The following INPP4B variants were observed in gnomAD, a reference collection of about 807,000 sequenced individuals.
INPP4B encodes inositol polyphosphate 4-phosphatase type II.
INPP4B carries 55 observed loss-of-function variants against 122.5 expected under a neutral mutation model. That is an observed-to-expected ratio of 0.45 (90% CI 0.36 to 0.56). The LOEUF (loss-of-function observed/expected upper bound fraction) is 0.56, where lower values mean the gene tolerates loss of function less well. INPP4B is among the 20% of genes least tolerant of loss of function. INPP4B has a pLI of 0.00. For missense variants in INPP4B, 1,000 were observed against 1,097.7 expected (o/e 0.91, Z 1.26); for synonymous variants, 403 against 388.7 (o/e 1.04, Z -0.43).
chr4:142,369,576 C>CG (rs1788958769), intron 7 of INPP4B, among the ~76,000 whole-genome samples: 1 of 130,660 alleles, frequency 7.7e-6, no homozygotes, highest in Non-Finnish European at 1.6e-5. Context: ...GACCCTGTCT[C>CG]GAAAATTAAA....
intron 16 of INPP4B, among the ~76,000 whole-genome samples, chr4:142,169,974 C>T (rs1390992): frequency 0.1 from 15,235 of 151,626 alleles, 1,129 homozygotes; most frequent in African/African-American, 0.2. Context: ...ATGAGAGATA[C>T]GTGAACACTG....
intron 1 of INPP4B, among the ~76,000 whole-genome samples, chr4:142,829,568 C>A (rs957284436): frequency 6.6e-6 from 1 of 151,446 alleles, no homozygotes; most frequent in Non-Finnish European, 1.5e-5. Context: ...AGCCTTTATC[C>A]TAACCAGAAA....
At chr4:142,404,921 AAAAT>A (rs144020717) in intron 6 of INPP4B, among the ~76,000 whole-genome samples, 5,226 of 151,996 alleles carry the variant, frequency 0.034, 329 homozygotes, top group African/African-American at 0.12. Context: ...CTTTGGGAGA[AAAAT>A]AAACTCTTTG....
At chr4:142,453,104 A>T (rs963249000) in intron 3 of INPP4B, among the ~76,000 whole-genome samples, 1 of 152,172 alleles carries the variant, frequency 6.6e-6, no homozygotes, top group Non-Finnish European at 1.5e-5. Flanking sequence ...GACTTCTAGC[A>T]TCCTATCTCA....
At chr4:142,123,186 G>C (rs2152752914) in intron 20 of INPP4B, 106 bp downstream of exon 20, 1 of 901,256 alleles carries the variant, frequency 1.1e-6, no homozygotes, top group Non-Finnish European at 1.6e-6. Flanking sequence ...TGTAATACTT[G>C]GCACAATAAA....
chr4:142,542,171 A>G (rs1829014517), intron 2 of INPP4B, among the ~76,000 whole-genome samples: 1 of 152,200 alleles, frequency 6.6e-6, no homozygotes. Context: ...GCAGAGATGA[A>G]ACCCTTTGGA....
chr4:142,612,553 A>C (rs1224737627), intron 2 of INPP4B, among the ~76,000 whole-genome samples: 1 of 152,198 alleles, frequency 6.6e-6, no homozygotes, highest in Non-Finnish European at 1.5e-5. Context: ...GTAAGGGCCC[A>C]ATTCCTGGTT....
chr4:142,048,490 G>C (rs1214670847), intron 25 of INPP4B, among the ~76,000 whole-genome samples: 2 of 151,996 alleles, frequency 1.3e-5, no homozygotes, highest in Non-Finnish European at 2.9e-5. Context: ...TGGAAGAAGG[G>C]CATCTGGTGA....
At chr4:142,147,722 T>C (rs981035627) in intron 17 of INPP4B, among the ~76,000 whole-genome samples, 1 of 152,210 alleles carries the variant, frequency 6.6e-6, no homozygotes, top group Non-Finnish European at 1.5e-5. Flanking sequence ...GGAAGTACTC[T>C]ATTAACCACA....
chr4:142,473,854 A>G (rs897147942), intron 2 of INPP4B, among the ~76,000 whole-genome samples: 19 of 152,268 alleles, frequency 1.2e-4, no homozygotes, highest in African/African-American at 4.3e-4. Flanking sequence ...ACTCAGCTGG[A>G]AAGTGCAGCT....
In INPP4B at chr4:142,798,370, T is replaced by C. The variant is rs574656551; in HGVS notation, c.-254+47839A>G. On this transcript the variant is annotated intron_variant, in intron 1 of 25. Transcript: ENST00000262992. ...GAAGGAAAATAATCTTAGCTCATCA[T>C]CTTTAGCATTTACTTAGAGTTAAAG... 7.9e-5 allele frequency among the ~76,000 whole-genome samples: 12 copies of C among 152,018 alleles called. No individual in the cohort carries two copies. The East Asian group carries it at 2.3e-3, about 29-fold the overall frequency.
rs770721910 is a variant in INPP4B at position 142,280,992 on chromosome 4, A to T, written c.504-10218T>A. Among the ~76,000 whole-genome samples, 121 of 152,120 alleles carry T rather than the reference A, an allele frequency of 8.0e-4. 1 individual carries two copies. The highest frequency in any genetic ancestry group is 1.2e-3 in the Non-Finnish European group (79 of 67,930). ...GATTCTCATTCAGGAGGTGCAATAT[A>T]TTTACCAAGCCAGTGATGCATAAAT... is the stretch of plus-strand genomic sequence containing the variant. On this transcript the variant is annotated intron_variant, in intron 9 of 25. Coordinates refer to ENST00000262992, the MANE Select transcript of INPP4B (RefSeq NM_001101669.3).
intron 7 of INPP4B, among the ~76,000 whole-genome samples, chr4:142,339,294 G>A (rs1235718597): frequency 6.6e-6 from 1 of 152,174 alleles, no homozygotes; most frequent in African/African-American, 2.4e-5. Flanking sequence ...GACTGATACA[G>A]ACTTAATAGC....
At chr4:142,455,605 T>C (rs956975221) in intron 3 of INPP4B, among the ~76,000 whole-genome samples, 2 of 152,082 alleles carry the variant, frequency 1.3e-5, no homozygotes, top group African/African-American at 4.8e-5. Flanking sequence ...TGAACAGTGC[T>C]ATAACAAACA....
At chr4:142,240,537 G>T (rs1858840624) in intron 11 of INPP4B, among the ~76,000 whole-genome samples, 1 of 151,948 alleles carries the variant, frequency 6.6e-6, no homozygotes, top group Non-Finnish European at 1.5e-5. Flanking sequence ...TAAAAACCAG[G>T]CAATTTAATC....
chr4:142,118,879 T>G lies in INPP4B; in HGVS notation c.2135+3249A>C, dbSNP rs1795149896. On this transcript the variant is annotated intron_variant, in intron 21 of 25. Coordinates refer to ENST00000262992, the MANE Select transcript of INPP4B (RefSeq NM_001101669.3). ...GGCAACCTACAGAATTGGAGAAAATTTTTACAATCTATCTATCTGACAAAG... is the reference window on the plus strand; with the variant it reads ...GGCAACCTACAGAATTGGAGAAAATGTTTACAATCTATCTATCTGACAAAG... Among the ~76,000 whole-genome samples, 3 of 151,928 alleles carry G rather than the reference T, an allele frequency of 2.0e-5. No homozygotes were observed. The South Asian group carries it at 6.2e-4, about 32-fold the overall frequency.
At chr4:142,576,970 T>G (rs1733990098) in intron 2 of INPP4B, among the ~76,000 whole-genome samples, 1 of 152,028 alleles carries the variant, frequency 6.6e-6, no homozygotes, top group Non-Finnish European at 1.5e-5. Flanking sequence ...AACATAAATA[T>G]GTATATACGT....
intron 1 of INPP4B, among the ~76,000 whole-genome samples, chr4:142,726,826 T>C (rs965936768): frequency 1.3e-5 from 2 of 152,212 alleles, no homozygotes; most frequent in African/African-American, 4.8e-5. Context: ...TAAGTCTTCA[T>C]TTTTCATCTG....
intron 2 of INPP4B, among the ~76,000 whole-genome samples, chr4:142,680,934 A>C (rs539902078): frequency 2.1e-3 from 317 of 152,024 alleles, no homozygotes; most frequent in African/African-American, 7.0e-3. Flanking sequence ...AGTAAGCCAG[A>C]CACTTTTTAC....
Sources: allele counts gnomAD v4.1 joint callset (sites outside exome capture counted in the v4.1 genomes callset), GRCh38; gene constraint gnomAD v4.1.1; transcripts MANE v1.5; gene names NCBI Gene and HGNC (gene_info 2026-07-23, HGNC 2026-07-21).